ADAM7: variants seen among roughly 807,000 people sequenced by gnomAD.
The protein encoded by ADAM7 is ADAM metallopeptidase domain 7.
A neutral mutation model predicts 102.9 loss-of-function variants in ADAM7; 97 were observed. That is an observed-to-expected ratio of 0.94 (90% CI 0.80 to 1.12). ADAM7 has a LOEUF of 1.12. Among genes scored for constraint, ADAM7 ranks in the 50% most tolerant of loss-of-function variants. The probability of loss-of-function intolerance (pLI) is 0.00; values close to 1 mark genes in which losing one functional copy is unlikely to be tolerated. For synonymous variants in ADAM7, 334 were observed against 304.4 expected, an observed-to-expected ratio of 1.10 and a Z score of -1.01; for missense variants, 991 against 908.7, an observed-to-expected ratio of 1.09 and a Z score of -1.16.
chr8:24,507,478 A>G lies in ADAM7; in HGVS notation c.2209-2A>G. On this transcript the variant is annotated splice_acceptor_variant, in intron 20 of 21. Transcript: ENST00000175238. LOFTEE classifies it high-confidence loss of function. ...TGATACAACATAATTTATTTATTAT[A>G]GAAACCTGCAAGTAAAGATTCAAGA... 1 of 1,610,934 alleles carries G rather than the reference A, an allele frequency of 6.2e-7. No individual in the cohort carries two copies. Among genetic ancestry groups the G allele is most frequent in the Non-Finnish European group, 8.5e-7 (1 of 1,177,330 alleles).
chr8:24,503,075 CTT>C (rs748286245), intron 20 of ADAM7, among the ~76,000 whole-genome samples: 4 of 151,906 alleles, frequency 2.6e-5, no homozygotes, highest in Non-Finnish European at 5.9e-5. Flanking sequence ...TGCAAAGAAA[CTT>C]TAACATTCAA....
At chr8:24,451,277 T>TC (rs902200884) in intron 3 of ADAM7, among the ~76,000 whole-genome samples, 1 of 152,114 alleles carries the variant, frequency 6.6e-6, no homozygotes, top group Non-Finnish European at 1.5e-5. Flanking sequence ...ATCCATCTGG[T>TC]CCTCGACTCT....
intron 7 of ADAM7, among the ~76,000 whole-genome samples, chr8:24,470,264 A>G (rs1349224403): frequency 2.0e-5 from 3 of 152,134 alleles, no homozygotes; most frequent in African/African-American, 7.2e-5. Context: ...ATTGAGTACT[A>G]AAGTATCAGG....
At chr8:24,508,472 A>C in intron 21 of ADAM7, 74 bp from the exon 22 acceptor site, 1 of 1,458,976 alleles carries the variant, frequency 6.9e-7, no homozygotes. Flanking sequence ...AGTAGATATA[A>C]ATGAGTAATG....
intron 3 of ADAM7, among the ~76,000 whole-genome samples, chr8:24,454,524 G>T (rs1265740938): frequency 6.6e-6 from 1 of 152,178 alleles, no homozygotes; most frequent in African/African-American, 2.4e-5. Flanking sequence ...GTATTAGGGT[G>T]GGAGTGACCC....
At chr8:24,451,934 T>C (rs1210155130) in intron 3 of ADAM7, among the ~76,000 whole-genome samples, 3 of 151,510 alleles carry the variant, frequency 2.0e-5, no homozygotes, top group Non-Finnish European at 3.0e-5. Flanking sequence ...GAGCAGGTTG[T>C]TCAGTTTCCA....
intron 8 of ADAM7, among the ~76,000 whole-genome samples, chr8:24,478,985 T>A (rs531435958): frequency 2.0e-5 from 3 of 152,308 alleles, no homozygotes; most frequent in African/African-American, 7.2e-5. Context: ...TGCATATTCA[T>A]CTAGTGTTAC....
chr8:24,504,443 T>TA lies in ADAM7; in HGVS notation c.2208+2878dup, dbSNP rs111924572. On this transcript the variant is annotated intron_variant, in intron 20 of 21. Coordinates refer to ENST00000175238, the MANE Select transcript of ADAM7 (RefSeq NM_003817.4). ...CAAGAAACTACAAAGGCATTAGCTT[T>TA]AAAAAAAAAAATAGCTGATGAAGAA... 5.7e-4 allele frequency among the ~76,000 whole-genome samples: 86 copies of TA among 149,590 alleles called. 1 individual carries two copies. In the South Asian group the frequency reaches 8.3e-3, roughly 14 times the overall value.
intron 7 of ADAM7, among the ~76,000 whole-genome samples, chr8:24,472,552 TA>T (rs1450773178): frequency 1.3e-5 from 2 of 152,000 alleles, no homozygotes; most frequent in Non-Finnish European, 2.9e-5. Context: ...GGACTATTTA[TA>T]ACTGACCATA....
At chr8:24,476,911 T>C (rs897197572) in intron 8 of ADAM7, among the ~76,000 whole-genome samples, 11 of 152,160 alleles carry the variant, frequency 7.2e-5, no homozygotes, top group African/African-American at 2.7e-4. Flanking sequence ...GTAAAATATA[T>C]TAAAATGCTT....
At position 24,492,531 on chromosome 8, in the gene ADAM7, A is replaced by G. The variant is rs1306309511; in HGVS notation, c.1589A>G (p.Asn530Ser). 1.2e-6 allele frequency: 2 copies of G among 1,612,850 alleles called. No homozygotes were observed. Among genetic ancestry groups the G allele is most frequent in the South Asian group, 1.1e-5 (1 of 90,934 alleles). ...IESHDICYKM[N>S]TKGNKFGYCK... ...AGTCATGATATCTGCTACAAGATGAATACAAAAGGAAATAAATTTGGATAC... is the reference window on the plus strand; with the variant it reads ...AGTCATGATATCTGCTACAAGATGAGTACAAAAGGAAATAAATTTGGATAC... Residue 530 changes from asparagine (N) to serine (S), a missense_variant, in exon 15 of 22, where the codon AAT becomes AGT. Coordinates refer to ENST00000175238, the MANE Select transcript of ADAM7 (RefSeq NM_003817.4).
rs1038535712 is a variant in ADAM7, at chr8:24,442,458, T to G, written c.53-15T>G. On this transcript the variant is annotated splice_polypyrimidine_tract_variant and intron_variant, in intron 1 of 21. Coordinates refer to ENST00000175238, the MANE Select transcript of ADAM7 (RefSeq NM_003817.4). ...TAATGTCAGACGGATTTTTTCCTCT[T>G]ATGTTTCCTCGTAGAAAAGTTCATC... 1 of 1,582,806 alleles carries G rather than the reference T, an allele frequency of 6.3e-7. No individual in the cohort carries two copies. The highest frequency in any genetic ancestry group is 1.1e-5 in the South Asian group (1 of 90,424).
chr8:24,499,130 A>G lies in ADAM7; in HGVS notation c.1843-106A>G, dbSNP rs572413486. ...AATCATGTAAATTGAAATTTTTCAT[A>G]TGTAAATTACATGCAAAATTGTGCA... is the stretch of plus-strand genomic sequence containing the variant. On this transcript the variant is annotated intron_variant, in intron 16 of 21. Coordinates refer to ENST00000175238, the MANE Select transcript of ADAM7 (RefSeq NM_003817.4). 7 of 794,652 alleles carry G rather than the reference A, an allele frequency of 8.8e-6. No homozygotes were observed. The African/African-American group carries it at 1.3e-4, about 14-fold the overall frequency. The allele number at this position is 794,652 out of a possible 1,614,324, so 49.2% of individuals were successfully genotyped here. A position where few individuals can be genotyped will look rare whatever the true frequency, so the allele number is the denominator to read the frequency against.
At chr8:24,497,502 C>T (rs1311479380) in intron 16 of ADAM7, among the ~76,000 whole-genome samples, 2 of 151,972 alleles carry the variant, frequency 1.3e-5, no homozygotes, top group African/African-American at 4.8e-5. Flanking sequence ...CAAAAAAAAT[C>T]AGTAAGTTAG....
rs749318049 is a variant in ADAM7 at position 24,506,098 on chromosome 8, C to G, written c.2209-1382C>G. On this transcript the variant is annotated intron_variant, in intron 20 of 21. Coordinates refer to ENST00000175238, the MANE Select transcript of ADAM7 (RefSeq NM_003817.4). ...AGTATCTCTTCTTACTAGCAGAGAACTCCAGAATCCTTGGAAAGCCTGCCC... is the reference window on the plus strand; with the variant it reads ...AGTATCTCTTCTTACTAGCAGAGAAGTCCAGAATCCTTGGAAAGCCTGCCC... The G allele has an allele frequency of 1.0e-5, 16 of 1,549,626 alleles. No homozygotes were observed. In the African/African-American group the frequency reaches 1.5e-4, roughly 15 times the overall value.
In ADAM7 at chr8:24,441,167, C is replaced by A. The variant is rs758570823; in HGVS notation, c.52+7C>A. On this transcript the variant is annotated splice_region_variant and intron_variant, in intron 1 of 21. Transcript: ENST00000175238. ...CTCATTCCTCAGGTTAAAGGTATGT[C>A]TTGCTCTTTTTATCAGGACTTTCTT... is the stretch of plus-strand genomic sequence containing the variant. 6.4e-5 allele frequency: 103 copies of A among 1,610,228 alleles called. No individual in the cohort carries two copies. Among genetic ancestry groups the A allele is most frequent in the Non-Finnish European group, 8.1e-5 (95 of 1,176,596 alleles).
chr8:24,508,274 A>T (rs1478169982), intron 21 of ADAM7, among the ~76,000 whole-genome samples: 1 of 152,184 alleles, frequency 6.6e-6, no homozygotes, highest in African/African-American at 2.4e-5. Flanking sequence ...TCCCACAGAG[A>T]GTAGAGAGTG....
At chr8:24,504,930 T>C (rs1464458503) in intron 20 of ADAM7, among the ~76,000 whole-genome samples, 3 of 152,158 alleles carry the variant, frequency 2.0e-5, no homozygotes, top group African/African-American at 7.2e-5. Context: ...TAAAACCAAG[T>C]CTTAATTGTC....
chr8:24,492,678 G>A, intron 15 of ADAM7, 81 bp downstream of exon 15: 1 of 952,802 alleles, frequency 1.0e-6, no homozygotes, highest in Non-Finnish European at 1.6e-6. Context: ...CCCCAGACCT[G>A]TTAATCTCTT....
Sources: gnomAD v4.1 joint callset for allele counts (sites outside exome capture counted in the v4.1 genomes callset) on GRCh38, gnomAD v4.1.1 for gene constraint, MANE v1.5 for transcripts, NCBI Gene and HGNC (gene_info 2026-07-23, HGNC 2026-07-21) for gene names.